The following MEP1A variants were observed in gnomAD, a reference collection of about 807,000 sequenced individuals.
MEP1A encodes the protein N-benzoyl-L-tyrosyl-P-amino-benzoic acid hydrolase subunit alpha.
A neutral mutation model predicts 84.5 loss-of-function variants in MEP1A; 68 were observed. That is an observed-to-expected ratio of 0.80 (90% CI 0.66 to 0.98). The LOEUF (loss-of-function observed/expected upper bound fraction) is 0.98. MEP1A is among the 50% of genes least tolerant of loss of function. MEP1A has a pLI of 0.00. For missense variants in MEP1A, 887 were observed against 919.9 expected, an observed-to-expected ratio of 0.96 and a Z score of 0.46; for synonymous variants, 337 against 336.8, an observed-to-expected ratio of 1.00 and a Z score of -0.01.
At chr6:46,824,129 G>A (rs576923934) in intron 7 of MEP1A, among the ~76,000 whole-genome samples, 18 of 152,158 alleles carry the variant, frequency 1.2e-4, no homozygotes, top group African/African-American at 4.3e-4. Context: ...GTACTTGGCT[G>A]TTAGAACGAT....
intron 5 of MEP1A, among the ~76,000 whole-genome samples, chr6:46,799,618 T>C (rs1767148447): frequency 6.6e-6 from 1 of 152,180 alleles, no homozygotes; most frequent in East Asian, 1.9e-4. Context: ...ATTTCACATG[T>C]TCACAATCCT....
rs182246983 is a variant in MEP1A at position 46,827,953 on chromosome 6, A to G, written c.929-1403A>G. On this transcript the variant is annotated intron_variant, in intron 9 of 13. Coordinates refer to ENST00000230588, the MANE Select transcript of MEP1A (RefSeq NM_005588.3). ...TATCAGGTTAACTTGAGCAGCTATT[A>G]TGCTTCTTTCACAAGAGGTATTTAA... 2.9e-3 allele frequency among the ~76,000 whole-genome samples: 442 copies of G among 152,342 alleles called. 1 individual carries two copies. Among genetic ancestry groups the G allele is most frequent in the South Asian group, 5.0e-3 (24 of 4,824 alleles).
chr6:46,840,141 A>G (rs1169116068), downstream of MEP1A, among the ~76,000 whole-genome samples: 1 of 152,220 alleles, frequency 6.6e-6, no homozygotes, highest in Non-Finnish European at 1.5e-5. Flanking sequence ...CCTTTAAGTC[A>G]TAAGGTTTCC....
chr6:46,800,385 G>T (rs1767172660), intron 5 of MEP1A, among the ~76,000 whole-genome samples: 1 of 152,132 alleles, frequency 6.6e-6, no homozygotes, highest in Non-Finnish European at 1.5e-5. Context: ...GGTCAGCGTT[G>T]GTGTGTGAGA....
rs370790189 is a variant in MEP1A, at chr6:46,832,801, C to T, written c.1145-273C>T. On this transcript the variant is annotated intron_variant, in intron 10 of 13. Coordinates refer to ENST00000230588, the MANE Select transcript of MEP1A (RefSeq NM_005588.3). ...AGCCAACTCAGGAGGAAATCCAGAA[C>T]CTGGATTCTTATAGTGGAAAACAAA... Among the ~76,000 whole-genome samples, 27 of 152,184 alleles carry T rather than the reference C, an allele frequency of 1.8e-4. 1 individual carries two copies. In the South Asian group the frequency reaches 5.6e-3, roughly 32 times the overall value.
At chr6:46,796,381 C>T (rs1767052163) in intron 3 of MEP1A, among the ~76,000 whole-genome samples, 1 of 152,154 alleles carries the variant, frequency 6.6e-6, no homozygotes, top group South Asian at 2.1e-4. Flanking sequence ...AAAATGCCAC[C>T]TCCTGTGGGA....
intron 5 of MEP1A, among the ~76,000 whole-genome samples, chr6:46,806,050 A>G (rs1767309905): frequency 1.3e-5 from 2 of 151,994 alleles, no homozygotes; most frequent in African/African-American, 2.4e-5. Context: ...TAGAATTTTC[A>G]TTGGGTTCTT....
intron 5 of MEP1A, among the ~76,000 whole-genome samples, chr6:46,808,692 G>T (rs1767419868): frequency 6.6e-6 from 1 of 152,050 alleles, no homozygotes; most frequent in East Asian, 1.9e-4. Context: ...TTGGTCATTG[G>T]TCCCCACAGG....
downstream of MEP1A, among the ~76,000 whole-genome samples, chr6:46,844,472 C>A (rs1768381953): frequency 6.6e-6 from 1 of 152,094 alleles, no homozygotes; most frequent in Non-Finnish European, 1.5e-5. Context: ...AGACATGGGC[C>A]TCATCTGGGT....
intron 6 of MEP1A, 109 bp from the exon 7 acceptor site, chr6:46,819,420 C>T: frequency 1.1e-6 from 1 of 869,594 alleles, no homozygotes; most frequent in Non-Finnish European, 1.7e-6. Flanking sequence ...TTGGTAATTT[C>T]TTTCTAAAAT....
intron 8 of MEP1A, among the ~76,000 whole-genome samples, chr6:46,825,984 A>T (rs1767934626): frequency 1.3e-5 from 2 of 152,188 alleles, no homozygotes; most frequent in African/African-American, 4.8e-5. Context: ...TCTAAAGATG[A>T]TCCCCCTAGC....
chr6:46,831,034 C>T (rs1768063448), intron 10 of MEP1A, among the ~76,000 whole-genome samples: 1 of 152,156 alleles, frequency 6.6e-6, no homozygotes, highest in Admixed American at 6.5e-5. Flanking sequence ...ACATCCTATG[C>T]TTAATTTAGT....
intron 3 of MEP1A, among the ~76,000 whole-genome samples, chr6:46,794,043 T>C (rs867457754): frequency 6.6e-6 from 1 of 152,260 alleles, no homozygotes; most frequent in East Asian, 1.9e-4. Flanking sequence ...AAGAAAAATA[T>C]AAGAATAAGC....
At chr6:46,845,921 T>A in the MEP1A span, among the ~76,000 whole-genome samples, 1 of 152,328 alleles carries the variant, frequency 6.6e-6, no homozygotes, top group South Asian at 2.1e-4. Flanking sequence ...CATAATTGGC[T>A]TATCTGTAAA....
intron 7 of MEP1A, among the ~76,000 whole-genome samples, chr6:46,824,997 TC>T (rs1767893316): frequency 2.6e-5 from 2 of 75,610 alleles, no homozygotes; most frequent in African/African-American, 7.9e-5. Context: ...TTTAAATAGA[TC>T]TATTTAAGTA....
intron 5 of MEP1A, among the ~76,000 whole-genome samples, chr6:46,799,624 AT>A (rs1282293740): frequency 6.6e-6 from 1 of 152,102 alleles, no homozygotes; most frequent in African/African-American, 2.4e-5. Flanking sequence ...CATGTTCACA[AT>A]CCTTTTTTCT....
chr6:46,822,157 C>T lies in MEP1A; in HGVS notation c.556+2453C>T, dbSNP rs79942368. ...ATAGTCCATGGGCCATATCTACTTG[C>T]TTTTGTAAATAAAGCTTTATGGAAA... On this transcript the variant is annotated intron_variant, in intron 7 of 13. Coordinates refer to ENST00000230588, the MANE Select transcript of MEP1A (RefSeq NM_005588.3). Among the ~76,000 whole-genome samples, 243 of 152,238 alleles carry T rather than the reference C, an allele frequency of 1.6e-3. 2 individuals are homozygous for T. The highest frequency in any genetic ancestry group is 3.4e-3 in the Middle Eastern group (1 of 294).
chr6:46,820,257 G>A (rs1460183085), intron 7 of MEP1A, among the ~76,000 whole-genome samples: 4 of 152,106 alleles, frequency 2.6e-5, no homozygotes, highest in Non-Finnish European at 4.4e-5. Context: ...ATTAATCAAA[G>A]GTGAATGTTT....
intron 5 of MEP1A, among the ~76,000 whole-genome samples, chr6:46,805,278 C>T (rs1767288051): frequency 6.6e-6 from 1 of 151,832 alleles, no homozygotes; most frequent in Non-Finnish European, 1.5e-5. Flanking sequence ...AAACAATGTA[C>T]GTGAGTTTCG....
Sources: gnomAD v4.1 joint callset for allele counts (sites outside exome capture counted in the v4.1 genomes callset) on GRCh38, gnomAD v4.1.1 for gene constraint, MANE v1.5 for transcripts, NCBI Gene and HGNC (gene_info 2026-07-23, HGNC 2026-07-21) for gene names.